Variants in GALK2 observed in about 807,000 individuals in gnomAD.
GALK2 encodes galactokinase 2.
In GALK2, 36 loss-of-function variants were observed where a neutral mutation model predicts 52.4. The ratio of observed to expected loss-of-function variants is 0.69; its 90% CI spans 0.53 to 0.91. GALK2 has a LOEUF of 0.91. Among genes scored for constraint, GALK2 ranks in the 40% least tolerant of loss-of-function variants. The pLI, the probability that GALK2 is intolerant of heterozygous loss-of-function variation, is 0.00. For missense variants in GALK2, 579 were observed against 559.1 expected (o/e 1.04, Z -0.36); for synonymous variants, 176 against 199.1 (o/e 0.88, Z 0.98).
chr15:49,186,764 C>A (rs184159332), intron 1 of GALK2, among the ~76,000 whole-genome samples: 2 of 152,230 alleles, frequency 1.3e-5, no homozygotes, highest in East Asian at 3.9e-4. Flanking sequence ...GTCTCAATCT[C>A]TTGACCTCAT....
At chr15:49,163,655 G>A (rs992428441) in intron 1 of GALK2, among the ~76,000 whole-genome samples, 1 of 152,126 alleles carries the variant, frequency 6.6e-6, no homozygotes, top group Non-Finnish European at 1.5e-5. Flanking sequence ...AGCATAATTT[G>A]ATCCTTTTAA....
chr15:49,206,042 A>T (rs1412918592), intron 2 of GALK2, among the ~76,000 whole-genome samples: 1 of 152,030 alleles, frequency 6.6e-6, no homozygotes, highest in Non-Finnish European at 1.5e-5. Context: ...AGTTGGCTAT[A>T]AGTATTTGGG....
At chr15:49,193,292 C>G (rs1310589769) in intron 1 of GALK2, among the ~76,000 whole-genome samples, 1 of 152,028 alleles carries the variant, frequency 6.6e-6, no homozygotes. Flanking sequence ...GCCACCATGC[C>G]CGACCTGTTT....
chr15:49,265,003 T>A (rs1277431123), intron 5 of GALK2, among the ~76,000 whole-genome samples: 2 of 152,158 alleles, frequency 1.3e-5, no homozygotes, highest in Non-Finnish European at 2.9e-5. Context: ...GCCTCCCAGT[T>A]AGGCTGCTTG....
intron 5 of GALK2, among the ~76,000 whole-genome samples, chr15:49,246,900 A>G (rs2091378845): frequency 6.6e-6 from 1 of 152,238 alleles, no homozygotes; most frequent in Non-Finnish European, 1.5e-5. Flanking sequence ...GGCACTGGAA[A>G]TACAACTGTG....
intron 7 of GALK2, among the ~76,000 whole-genome samples, chr15:49,288,372 CA>C (rs2033599444): frequency 6.6e-6 from 1 of 152,210 alleles, no homozygotes; most frequent in African/African-American, 2.4e-5. Context: ...GTTCCTTTGA[CA>C]CTTCAAGGAA....
At chr15:49,164,526 A>G (rs2084755664) in intron 1 of GALK2, among the ~76,000 whole-genome samples, 1 of 152,100 alleles carries the variant, frequency 6.6e-6, no homozygotes, top group South Asian at 2.1e-4. Context: ...CATACCTGTA[A>G]TCGCAGCACT....
intron 5 of GALK2, among the ~76,000 whole-genome samples, chr15:49,258,186 G>A (rs1483803231): frequency 6.6e-6 from 1 of 152,028 alleles, no homozygotes; most frequent in Non-Finnish European, 1.5e-5. Flanking sequence ...CACTGGGGTA[G>A]AGCAATTACT....
At chr15:49,167,592 C>G (rs1310594412), upstream of GALK2, among the ~76,000 whole-genome samples, 1 of 152,180 alleles carries the variant, frequency 6.6e-6, no homozygotes, top group Non-Finnish European at 1.5e-5. Context: ...CTCCTGACCT[C>G]AGGTGATCTG....
rs779532295 is a variant in GALK2 at position 49,319,628 on chromosome 15, G to GGGCAAA, written c.994_999dup (p.Ala332_Lys333dup). ...GTGCTCATCTTCAAACTCTATCAGC[G>GGGCAAA]GGCAAAGCATGTGTACAGCGAGGCT... On this transcript the variant is annotated inframe_insertion, in exon 9 of 10. Coordinates refer to ENST00000560031, the MANE Select transcript of GALK2 (RefSeq NM_002044.4). 1.7e-5 allele frequency: 28 copies of GGGCAAA among 1,614,056 alleles called. No homozygotes were observed. The South Asian group carries it at 3.0e-4, about 17-fold the overall frequency.
intron 5 of GALK2, among the ~76,000 whole-genome samples, chr15:49,266,286 G>A (rs1481037600): frequency 1.3e-5 from 2 of 152,106 alleles, no homozygotes; most frequent in African/African-American, 4.8e-5. Context: ...CCCAAATTGA[G>A]CAAAGCAAGT....
At chr15:49,297,014 T>G (rs934140746) in intron 8 of GALK2, among the ~76,000 whole-genome samples, 2 of 152,244 alleles carry the variant, frequency 1.3e-5, no homozygotes, top group African/African-American at 2.4e-5. Context: ...CCAAACTGTT[T>G]TCCACAATGG....
chr15:49,355,299 G>A (rs918134105), intron 3 of GALK2, among the ~76,000 whole-genome samples: 10 of 152,140 alleles, frequency 6.6e-5, no homozygotes, highest in Admixed American at 2.6e-4. Context: ...TCTGAGCTAC[G>A]GGAGGACATT....
At chr15:49,171,834 C>T (rs1356467345) in intron 1 of GALK2, among the ~76,000 whole-genome samples, 2 of 151,194 alleles carry the variant, frequency 1.3e-5, no homozygotes, top group African/African-American at 2.4e-5. Context: ...TATAGTGGCG[C>T]AGTCTCCGCT....
chr15:49,299,734 C>CTTTCTTTCTTTCTTTCTTTCTTTCTTTT (rs1567037181), intron 8 of GALK2, among the ~76,000 whole-genome samples: 1 of 48,364 alleles, frequency 2.1e-5, no homozygotes, highest in African/African-American at 1.0e-4. Context: ...TTCTTTCTTT[C>CTTTCTTTCTTTCTTTCTTTCTTTCTTTT]TTTTCTTTCT....
At chr15:49,195,933 C>G (rs1021663327) in intron 1 of GALK2, among the ~76,000 whole-genome samples, 3 of 151,630 alleles carry the variant, frequency 2.0e-5, no homozygotes, top group Non-Finnish European at 4.4e-5. Context: ...ATTATAGTTT[C>G]TGATATATTT....
At chr15:49,353,712 T>C (rs1056034446) in intron 3 of GALK2, 2 of 151,638 alleles carry the variant, frequency 1.3e-5, no homozygotes, top group Non-Finnish European at 2.9e-5. Context: ...TTAGAAGGAC[T>C]GAGGGAAAAA....
chr15:49,250,605 G>A (rs1467715496), intron 5 of GALK2, among the ~76,000 whole-genome samples: 1 of 152,030 alleles, frequency 6.6e-6, no homozygotes, highest in Non-Finnish European at 1.5e-5. Context: ...GATCCAAAAT[G>A]GATACTTTTC....
At chr15:49,327,093 G>C (rs1354853623) in intron 9 of GALK2, 1 of 152,222 alleles carries the variant, frequency 6.6e-6, no homozygotes, top group East Asian at 1.9e-4. Flanking sequence ...AGTGATCTGT[G>C]TACATTGTGA....
Sources: gnomAD v4.1 joint callset for allele counts (sites outside exome capture counted in the v4.1 genomes callset) on GRCh38, gnomAD v4.1.1 for gene constraint, MANE v1.5 for transcripts, NCBI Gene and HGNC (gene_info 2026-07-23, HGNC 2026-07-21) for gene names.